Variants in TMEM63C observed in about 807,000 individuals in gnomAD.
TMEM63C encodes osmosensitive cation channel TMEM63C.
TMEM63C carries 32 observed loss-of-function variants against 99.2 expected under a neutral mutation model. The observed-to-expected ratio is 0.32, with a 90% CI of 0.24 to 0.43. TMEM63C has a LOEUF of 0.43. Among genes scored for constraint, TMEM63C ranks in the 20% least tolerant of loss-of-function variants. The pLI, the probability that TMEM63C is intolerant of heterozygous loss-of-function variation, is 1.00. For missense variants in TMEM63C, 826 were observed against 1,053.0 expected (o/e 0.78, Z 2.98); for synonymous variants, 376 against 397.9 (o/e 0.94, Z 0.66).
Position 77,248,410 on chromosome 14 carries a change from T to C in TMEM63C, c.1665T>C (p.Leu555=). ...ACTACGTGATCACGGCAGCTTTACT[T>C]GGCACAGGCATGGAGCTGCTGCGTC... ...FVNYVITAAL[L]GTGMELLRLG... The change falls in exon 19 of 24, where the codon CTT becomes CTC. Residue 555 remains leucine, a synonymous_variant. Transcript: ENST00000298351. 1 of 1,603,786 alleles carries C rather than the reference T, an allele frequency of 6.2e-7. No individual in the cohort carries two copies. Among genetic ancestry groups the C allele is most frequent in the Non-Finnish European group, 8.5e-7 (1 of 1,175,182 alleles).
chr14:77,225,279 C>T (rs1006647573), intron 5 of TMEM63C, 145 bp from the exon 6 acceptor site: 25 of 560,802 alleles, frequency 4.5e-5, no homozygotes, highest in African/African-American at 4.0e-4. Context: ...TGGTTCCCAG[C>T]TGAGCCTTCA....
At position 77,251,839 on chromosome 14, in the gene TMEM63C, A is replaced by G. The variant is rs200544692; in HGVS notation, c.2089A>G (p.Met697Val). 2.5e-6 allele frequency: 4 copies of G among 1,613,826 alleles called. No homozygotes were observed. In the African/African-American group the frequency reaches 4.0e-5, roughly 16 times the overall value. Residue 697 changes from methionine to valine, a missense_variant, in exon 22 of 24, where the codon ATG (methionine) becomes GTG (valine). Transcript: ENST00000298351. ...TTCCCTGTCCACCCTCCTCATTGCC[A>G]TGGTGATTGCCTTTGTTGGCATTTT... ...IFSLSTLLIA[M>V]VIAFVGIFLG... is the part of the protein sequence containing the mutation.
intron 1 of TMEM63C, among the ~76,000 whole-genome samples, chr14:77,203,129 G>A (rs1888330889): frequency 6.6e-6 from 1 of 152,162 alleles, no homozygotes; most frequent in Non-Finnish European, 1.5e-5. Context: ...TGTAATCCCA[G>A]CACTTTGGGA....
intron 4 of TMEM63C, among the ~76,000 whole-genome samples, 158 bp downstream of exon 4, chr14:77,219,735 G>A (rs1888655404): frequency 6.6e-6 from 1 of 152,240 alleles, no homozygotes; most frequent in Non-Finnish European, 1.5e-5. Context: ...AGGGGACTTG[G>A]AGGGCAGCCA....
At chr14:77,211,162 A>G (rs1046531248) in intron 1 of TMEM63C, among the ~76,000 whole-genome samples, 6 of 152,210 alleles carry the variant, frequency 3.9e-5, no homozygotes, top group Non-Finnish European at 8.8e-5. Context: ...AAGTTTGAGC[A>G]AGGTCATCCC....
chr14:77,191,905 C>T (rs1047367774), intron 1 of TMEM63C, among the ~76,000 whole-genome samples: 1 of 152,206 alleles, frequency 6.6e-6, no homozygotes. Flanking sequence ...GAAAGGAGTA[C>T]TGAAATCTCC....
chr14:77,202,346 G>A (rs973604248), intron 1 of TMEM63C, among the ~76,000 whole-genome samples: 1 of 149,270 alleles, frequency 6.7e-6, no homozygotes, highest in African/African-American at 2.5e-5. Context: ...AAACACACAA[G>A]CACCAATGCA....
At chr14:77,185,147 AGT>A (rs1462919671) in intron 1 of TMEM63C, among the ~76,000 whole-genome samples, 1 of 152,166 alleles carries the variant, frequency 6.6e-6, no homozygotes, top group African/African-American at 2.4e-5. Context: ...CTAGGACCCA[AGT>A]GTCCTGGGCT....
At position 77,257,020 on chromosome 14, in the gene TMEM63C, GGTC is replaced by G; in HGVS notation, c.*295_*297del. ...CCCCGGCACAGAGACTGAACGCTGGGGTCCCTTCCTGGGACCAAGATGGAGAAG... is the reference window on the plus strand; with the variant it reads ...CCCCGGCACAGAGACTGAACGCTGGGCCTTCCTGGGACCAAGATGGAGAAG... On this transcript the variant is annotated 3_prime_UTR_variant, in exon 24 of 24. Transcript: ENST00000298351. 2.7e-6 allele frequency: 1 copy of G among 366,470 alleles called. No homozygotes were observed. The highest frequency in any genetic ancestry group is 5.0e-6 in the Non-Finnish European group (1 of 200,290). 22.7% of individuals were successfully genotyped at this position (366,470 alleles called of 1,614,324 possible). A position where few individuals can be genotyped will look rare whatever the true frequency, so the allele number is the denominator to read the frequency against.
At chr14:77,256,497 C>G in intron 23 of TMEM63C, 29 bp from the exon 24 acceptor site, 1 of 1,612,452 alleles carries the variant, frequency 6.2e-7, no homozygotes, top group Non-Finnish European at 8.5e-7. Context: ...CGTGACCTTG[C>G]TCCTGTCCCC....
chr14:77,185,366 TC>T (rs1348749691), intron 1 of TMEM63C, among the ~76,000 whole-genome samples: 3 of 152,144 alleles, frequency 2.0e-5, no homozygotes, highest in Non-Finnish European at 1.5e-5. Flanking sequence ...AACTGTCCCC[TC>T]CCCATTACTG....
At chr14:77,218,132 C>T (rs1160517675) in intron 2 of TMEM63C, among the ~76,000 whole-genome samples, 4 of 151,284 alleles carry the variant, frequency 2.6e-5, no homozygotes, top group Non-Finnish European at 4.4e-5. Context: ...GGATGGATAC[C>T]TCATTTATCC....
chr14:77,193,539 T>TA (rs898180495), intron 1 of TMEM63C, among the ~76,000 whole-genome samples: 2 of 151,168 alleles, frequency 1.3e-5, no homozygotes, highest in African/African-American at 4.9e-5. Flanking sequence ...CTACAAAAAT[T>TA]AAAAAAAAAT....
intron 1 of TMEM63C, among the ~76,000 whole-genome samples, chr14:77,202,257 C>T (rs1314010741): frequency 6.6e-6 from 1 of 151,352 alleles, no homozygotes. Context: ...CATTCCTAAG[C>T]ACAACCAAAT....
intron 1 of TMEM63C, among the ~76,000 whole-genome samples, chr14:77,191,538 C>CTT (rs71125542): frequency 0.043 from 3,509 of 82,432 alleles, 280 homozygotes; most frequent in East Asian, 0.048. Flanking sequence ...TTTTCTTTTT[C>CTT]TTTTTTTTTT....
intron 22 of TMEM63C, 72 bp from the exon 23 acceptor site, chr14:77,253,233 G>C: frequency 7.0e-7 from 1 of 1,419,960 alleles, no homozygotes; most frequent in East Asian, 2.4e-5. Context: ...GTGTGGAGTT[G>C]AGGCTCCTCT....
chr14:77,193,497 A>T (rs1044685448), intron 1 of TMEM63C, among the ~76,000 whole-genome samples: 21 of 151,980 alleles, frequency 1.4e-4, no homozygotes, highest in African/African-American at 4.8e-4. Flanking sequence ...GGAGTTTGAG[A>T]CCAGCCTAGG....
chr14:77,239,500 T>C lies in TMEM63C; in HGVS notation c.806+8T>C. ...CGACTTGGACGATCAGAGGTGAGGC[T>C]GCAGCGGGGCCTTTTGGGGCCCGGG... On this transcript the variant is annotated splice_region_variant and intron_variant, in intron 11 of 23. Transcript: ENST00000298351. 1 of 1,613,264 alleles carries C rather than the reference T, an allele frequency of 6.2e-7. No individual in the cohort carries two copies. Among genetic ancestry groups the C allele is most frequent in the Non-Finnish European group, 8.5e-7 (1 of 1,179,722 alleles).
In TMEM63C at chr14:77,256,916, G is replaced by GT; in HGVS notation, c.*191dup. On this transcript the variant is annotated 3_prime_UTR_variant, in exon 24 of 24. Transcript: ENST00000298351. ...ACCTGCTGCCCGGCTGGAACTGGGG[G>GT]TGCTCGGCAGTGCTGAAGGAGCCTG... The GT allele has an allele frequency of 1.7e-6, 1 of 601,944 alleles. No homozygotes were observed. Among genetic ancestry groups the GT allele is most frequent in the East Asian group, 2.8e-5 (1 of 35,924 alleles). The allele number at this position is 601,944 out of a possible 1,614,324, so 37.3% of individuals were successfully genotyped here.
Sources: gnomAD v4.1 joint callset for allele counts (sites outside exome capture counted in the v4.1 genomes callset) on GRCh38, gnomAD v4.1.1 for gene constraint, MANE v1.5 for transcripts, NCBI Gene and HGNC (gene_info 2026-07-23, HGNC 2026-07-21) for gene names.